Variants in UNC80 observed in about 807,000 individuals in gnomAD.
UNC80 encodes the protein protein unc-80 homolog.
A neutral mutation model predicts 384.6 loss-of-function variants in UNC80; 164 were observed. The observed-to-expected ratio is 0.43, with a 90% confidence interval of 0.38 to 0.49. The LOEUF (loss-of-function observed/expected upper bound fraction) is 0.49, where lower values mean the gene tolerates loss of function less well. Among genes scored for constraint, UNC80 ranks in the 20% least tolerant of loss-of-function variants. The probability of loss-of-function intolerance (pLI) is 0.00; values close to 1 mark genes in which losing one functional copy is unlikely to be tolerated. For synonymous variants in UNC80, 1,486 were observed against 1,527.8 expected (o/e 0.97, Z 0.64); for missense variants, 3,330 against 4,143.0 (o/e 0.80, Z 5.39).
chr2:209,935,276 G>A (rs1196132978), intron 39 of UNC80, among the ~76,000 whole-genome samples: 1 of 152,060 alleles, frequency 6.6e-6, no homozygotes, highest in Non-Finnish European at 1.5e-5. Context: ...CCCACATCAT[G>A]GGGTGGCTAT....
intron 52 of UNC80, chr2:209,968,662 T>C (rs1167112803): frequency 2.0e-5 from 3 of 152,212 alleles, no homozygotes; most frequent in East Asian, 1.9e-4. Flanking sequence ...GTGATCCCAA[T>C]AGAACATTTG....
At chr2:209,910,156 A>G (rs1053140267) in intron 29 of UNC80, among the ~76,000 whole-genome samples, 1 of 151,508 alleles carries the variant, frequency 6.6e-6, no homozygotes, top group Non-Finnish European at 1.5e-5. Flanking sequence ...AGAATTTATC[A>G]CTATTCTGTC....
rs530266739 is a variant in UNC80 at position 209,775,934 on chromosome 2, C to T, written c.187C>T (p.Pro63Ser). The change falls in exon 3 of 65, where the codon CCA (proline) becomes TCA (serine). Residue 63 changes from proline to serine, a missense_variant. Pro to Ser is a moderately conservative substitution (Grantham distance 74, BLOSUM62 -1). Coordinates refer to ENST00000673920, the MANE Select transcript of UNC80 (RefSeq NM_001371986.1). ...LVENKLHGLS[P>S]ALSEAIQSIS... ...AGAAAACAAGCTGCATGGCCTCTCTCCAGCTCTCTCTGAAGCCATCCAGAG... is the reference window on the plus strand; with the variant it reads ...AGAAAACAAGCTGCATGGCCTCTCTTCAGCTCTCTCTGAAGCCATCCAGAG... 9 of 1,614,124 alleles carry T rather than the reference C, an allele frequency of 5.6e-6. No homozygotes were observed. The highest frequency in any genetic ancestry group is 7.6e-6 in the Non-Finnish European group (9 of 1,180,014).
chr2:209,911,589 A>C (rs933860263), intron 29 of UNC80, among the ~76,000 whole-genome samples: 2 of 152,228 alleles, frequency 1.3e-5, no homozygotes, highest in African/African-American at 4.8e-5. Context: ...TTCTTTCAAA[A>C]TATCTTTATC....
intron 28 of UNC80, among the ~76,000 whole-genome samples, chr2:209,898,331 C>G (rs1264417120): frequency 1.3e-5 from 2 of 151,950 alleles, no homozygotes; most frequent in African/African-American, 4.8e-5. Flanking sequence ...AACCACTTTG[C>G]TAACATGAAT....
At chr2:209,956,943 A>G (rs1036100612) in intron 48 of UNC80, among the ~76,000 whole-genome samples, 15 of 152,226 alleles carry the variant, frequency 9.9e-5, no homozygotes, top group Admixed American at 5.9e-4. Flanking sequence ...AAAGTGAGCA[A>G]CAAAGAAGCA....
chr2:209,776,041 G>A lies in UNC80; in HGVS notation c.294G>A (p.Lys98=). 2.5e-6 allele frequency: 4 copies of A among 1,613,992 alleles called. No individual in the cohort carries two copies. Among genetic ancestry groups the A allele is most frequent in the Non-Finnish European group, 3.4e-6 (4 of 1,179,946 alleles). The part of the protein sequence containing the change: ...CTATLLSNRN[K]LGHQDKLGVA... ...CAACCCTGCTTTCAAACCGAAACAA[G>A]CTAGGTTGGTGCCCCGCATTACTTC... The change falls in exon 3 of 65, where the codon AAG becomes AAA. Residue 98 remains lysine (K), a synonymous_variant. Transcript: ENST00000673920.
intron 7 of UNC80, chr2:209,808,762 G>T (rs952719828): frequency 3.6e-5 from 9 of 247,812 alleles, no homozygotes; most frequent in Non-Finnish European, 6.3e-5. Flanking sequence ...GGTCGCCTGC[G>T]CTACTTCTGC....
chr2:209,776,103 A>T, intron 3 of UNC80, 58 bp downstream of exon 3: 1 of 1,606,460 alleles, frequency 6.2e-7, no homozygotes. Context: ...TTCAACACTC[A>T]TCATAATAAC....
At chr2:209,956,712 C>A (rs2092432237) in intron 48 of UNC80, among the ~76,000 whole-genome samples, 1 of 152,124 alleles carries the variant, frequency 6.6e-6, no homozygotes, top group Admixed American at 6.5e-5. Flanking sequence ...TCTGCCCTAG[C>A]CAGAGAAGAC....
intron 61 of UNC80, among the ~76,000 whole-genome samples, chr2:209,987,193 C>CA (rs2093307049): frequency 6.6e-6 from 1 of 152,060 alleles, no homozygotes; most frequent in African/African-American, 2.4e-5. Flanking sequence ...TTGTTTTAGA[C>CA]AAAAGGGGTA....
intron 59 of UNC80, 116 bp downstream of exon 59, chr2:209,978,824 C>A: frequency 1.9e-6 from 2 of 1,033,396 alleles, no homozygotes; most frequent in African/African-American, 1.6e-5. Flanking sequence ...GTCATTTTTA[C>A]AAAAGGAGTT....
At position 209,789,624 on chromosome 2, in the gene UNC80, TAAG is replaced by T. The variant is rs2077667801; in HGVS notation, c.798+26_798+28del. On this transcript the variant is annotated intron_variant, in intron 6 of 64. Transcript: ENST00000673920. ...CTTAGAGGTTAGTTTATTATAATCATAAGAAGAAGGGAGGCAGAAAGTCCTTGG... is the reference window on the plus strand; with the variant it reads ...CTTAGAGGTTAGTTTATTATAATCATAAGAAGGGAGGCAGAAAGTCCTTGG... 1.3e-6 allele frequency: 2 copies of T among 1,571,344 alleles called. No individual in the cohort carries two copies. Among genetic ancestry groups the T allele is most frequent in the Non-Finnish European group, 1.8e-6 (2 of 1,141,972 alleles).
At chr2:209,920,633 C>T (rs2124951670) in intron 33 of UNC80, among the ~76,000 whole-genome samples, 1 of 152,264 alleles carries the variant, frequency 6.6e-6, no homozygotes, top group East Asian at 1.9e-4. Flanking sequence ...CTTAGTAACA[C>T]TATCAGCTCT....
rs2090719234 is a variant in UNC80 at position 209,929,896 on chromosome 2, A to G, written c.5832A>G (p.Leu1944=). The part of the protein sequence containing the change: ...VAVSAVAQQV[L]WNCLIEDPST... ...TGAGTGCTGTGGCTCAACAAGTCTT[A>G]TGGAACTGTCTAATTGAAGATCCAT... The change falls in exon 37 of 65, where the codon TTA becomes TTG. Residue 1944 remains leucine (L), a synonymous_variant. Coordinates refer to ENST00000673920, the MANE Select transcript of UNC80 (RefSeq NM_001371986.1). 2 of 1,533,318 alleles carry G rather than the reference A, an allele frequency of 1.3e-6. No homozygotes were observed. Among genetic ancestry groups the G allele is most frequent in the East Asian group, 2.5e-5 (1 of 39,914 alleles). 95.0% of individuals were successfully genotyped at this position (1,533,318 alleles called of 1,614,324 possible). A position where few individuals can be genotyped will look rare whatever the true frequency, so the allele number is the denominator to read the frequency against.
rs1422492492 is a variant in UNC80 at position 209,976,238 on chromosome 2, C to T, written c.8707C>T (p.Leu2903Phe). The change falls in exon 57 of 65, where the codon CTC (leucine) becomes TTC (phenylalanine). Residue 2903 changes from leucine to phenylalanine, a missense_variant. By Grantham distance (22) the Leu-to-Phe change is conservative. Around this residue, in one of 8 missense-constraint regions of UNC80, gnomAD observed 1,049 missense variants for 1,488.6 expected, o/e 0.70. Coordinates refer to ENST00000673920, the MANE Select transcript of UNC80 (RefSeq NM_001371986.1). This position sits in a 1 kb window ranked among gnomAD's most constrained non-coding sequence, Gnocchi z 4.3. ...GGGAGGCCTGGCCCTTTGGGATTTC[C>T]TCGACTTCATCGTGCGGACCCGAAT... ...KVGGLALWDF[L>F]DFIVRTRIPI... The T allele has an allele frequency of 1.3e-6, 2 of 1,551,592 alleles. No individual in the cohort carries two copies. Among genetic ancestry groups the T allele is most frequent in the Admixed American group, 2.0e-5 (1 of 50,986 alleles).
In UNC80 at chr2:209,941,228, G is replaced by T; in HGVS notation, c.6654G>T (p.Lys2218Asn). ...FSLFSDPQAGKELFGLDTLQK... is the reference protein window; with the variant it reads ...FSLFSDPQAGNELFGLDTLQK... ...TGTTTCATGTTCTCACAGCTGGAAA[G>T]GAACTGTTTGGCCTCGACACTCTTC... The change falls in exon 44 of 65, where the codon AAG becomes AAT. Residue 2218 changes from lysine (K) to asparagine (N), a missense_variant. This residue lies in a region of UNC80 where 1,049 missense variants were observed against 1,488.6 expected (regional missense o/e 0.70). Transcript: ENST00000673920. The T allele has an allele frequency of 6.6e-7, 1 of 1,507,994 alleles. No homozygotes were observed. The highest frequency in any genetic ancestry group is 8.9e-7 in the Non-Finnish European group (1 of 1,117,432). The allele number at this position is 1,507,994 out of a possible 1,614,324, so 93.4% of individuals were successfully genotyped here.
At chr2:209,957,501 C>T in intron 48 of UNC80, 143 bp from the exon 49 acceptor site, 1 of 649,262 alleles carries the variant, frequency 1.5e-6, no homozygotes, top group Non-Finnish European at 2.6e-6. Context: ...AACAGAAAAG[C>T]CCAAAGCTAG....
intron 18 of UNC80, among the ~76,000 whole-genome samples, chr2:209,838,088 T>C (rs1205745741): frequency 6.6e-6 from 1 of 152,102 alleles, no homozygotes; most frequent in African/African-American, 2.4e-5. Flanking sequence ...TACATCTTAG[T>C]ACGTTGTCCC....
Sources: gnomAD v4.1 joint callset for allele counts (sites outside exome capture counted in the v4.1 genomes callset) on GRCh38, gnomAD v4.1.1 for gene constraint, gnomAD v4.1.1 regional missense constraint, Gnocchi (gnomAD v3.1) non-coding constraint, MANE v1.5 for transcripts, NCBI Gene and HGNC (gene_info 2026-07-23, HGNC 2026-07-21) for gene names.